Variants in NXNL2 observed in about 807,000 individuals in gnomAD.
NXNL2 encodes nucleoredoxin like 2.
A neutral mutation model predicts 11.1 loss-of-function variants in NXNL2; 7 were observed. The ratio of observed to expected loss-of-function variants is 0.63; its 90% confidence interval spans 0.36 to 1.18. The LOEUF is 1.18. Among genes scored for constraint, NXNL2 ranks in the 50% most tolerant of loss-of-function variants. The probability of loss-of-function intolerance (pLI) is 0.02; values close to 1 mark genes in which losing one functional copy is unlikely to be tolerated. For missense variants in NXNL2, 233 were observed against 217.7 expected (o/e 1.07, Z -0.44); for synonymous variants, 109 against 101.8 (o/e 1.07, Z -0.42).
At chr9:88,581,439 CT>C (rs5899045) in intron 1 of NXNL2, among the ~76,000 whole-genome samples, 140,257 of 147,734 alleles carry the variant, frequency 0.95, 66,601 homozygotes, top group East Asian at 1. Flanking sequence ...ACCACTTTTT[CT>C]TTTTTTTTTT....
At chr9:88,562,169 G>A (rs1368157480) in intron 1 of NXNL2, among the ~76,000 whole-genome samples, 1 of 152,182 alleles carries the variant, frequency 6.6e-6, no homozygotes, top group East Asian at 1.9e-4. Context: ...AGGAAAAGGA[G>A]CCAGGCACAC....
intron 1 of NXNL2, among the ~76,000 whole-genome samples, chr9:88,540,157 CCT>C (rs1480070350): frequency 1.3e-5 from 2 of 151,820 alleles, no homozygotes; most frequent in Non-Finnish European, 2.9e-5. Flanking sequence ...ACGGTGAAAC[CCT>C]GTCTCTACTA....
At chr9:88,549,601 A>G (rs547315645), downstream of NXNL2, among the ~76,000 whole-genome samples, 8 of 152,238 alleles carry the variant, frequency 5.3e-5, no homozygotes, top group East Asian at 9.7e-4. Flanking sequence ...ATCCAACTAC[A>G]CTGTGACTCC....
intron 1 of NXNL2, among the ~76,000 whole-genome samples, chr9:88,552,846 G>C (rs543582914): frequency 1.3e-5 from 2 of 152,294 alleles, no homozygotes; most frequent in Admixed American, 1.3e-4. Context: ...ATATCTGTCT[G>C]ACTTTGCCAT....
exon 2 of NXNL2, chr9:88,584,269 G>A (rs999608515): frequency 2.0e-5 from 3 of 152,210 alleles, no homozygotes; most frequent in African/African-American, 7.2e-5. Context: ...TTTGGAGGAA[G>A]GAAGTAATTA....
intron 1 of NXNL2, among the ~76,000 whole-genome samples, chr9:88,554,287 C>T (rs1299238175): frequency 1.3e-5 from 2 of 152,168 alleles, no homozygotes; most frequent in Non-Finnish European, 2.9e-5. Context: ...CTCACTGCAA[C>T]CTCCACCTCC....
At chr9:88,538,221 G>A (rs902829633) in intron 1 of NXNL2, among the ~76,000 whole-genome samples, 1 of 152,154 alleles carries the variant, frequency 6.6e-6, no homozygotes, top group African/African-American at 2.4e-5. Context: ...GGGATTTGAG[G>A]GCTGGTACTG....
downstream of NXNL2, among the ~76,000 whole-genome samples, chr9:88,549,599 A>G (rs982674928): frequency 5.9e-5 from 9 of 152,136 alleles, no homozygotes; most frequent in African/African-American, 2.2e-4. Context: ...AGATCCAACT[A>G]CACTGTGACT....
chr9:88,546,774 TC>T (rs1294302344), downstream of NXNL2, among the ~76,000 whole-genome samples: 1 of 152,176 alleles, frequency 6.6e-6, no homozygotes, highest in Non-Finnish European at 1.5e-5. Flanking sequence ...GGCAAAGTAT[TC>T]CAGCCTTCTT....
downstream of NXNL2, among the ~76,000 whole-genome samples, chr9:88,546,132 C>T (rs1829841847): frequency 1.4e-5 from 2 of 146,452 alleles, no homozygotes; most frequent in Admixed American, 1.4e-4. Flanking sequence ...TGTAGAGTAT[C>T]CATAAACTGA....
downstream of NXNL2, among the ~76,000 whole-genome samples, chr9:88,549,583 G>T (rs951292566): frequency 2.0e-5 from 3 of 152,052 alleles, no homozygotes; most frequent in Admixed American, 6.6e-5. Flanking sequence ...CTTTGTTATT[G>T]TTGAGAGATC....
chr9:88,539,683 C>T (rs1406603977), intron 1 of NXNL2: 2 of 152,264 alleles, frequency 1.3e-5, no homozygotes, highest in Non-Finnish European at 2.9e-5. Context: ...TCACCTTTTT[C>T]TTTCTTTCTT....
chr9:88,542,399 T>G (rs1006299499), intron 1 of NXNL2, among the ~76,000 whole-genome samples: 9 of 151,858 alleles, frequency 5.9e-5, no homozygotes, highest in African/African-American at 2.2e-4. Context: ...AGCAATTCTC[T>G]GGCCTCAGCC....
downstream of NXNL2, among the ~76,000 whole-genome samples, chr9:88,546,414 C>CTTTTTT (rs956682156): frequency 1.0e-4 from 11 of 110,140 alleles, no homozygotes; most frequent in Admixed American, 2.0e-4. Context: ...AAGACACATT[C>CTTTTTT]TTTTTTTTTT....
chr9:88,555,137 C>T (rs928718158), intron 1 of NXNL2, among the ~76,000 whole-genome samples: 1 of 152,132 alleles, frequency 6.6e-6, no homozygotes, highest in Non-Finnish European at 1.5e-5. Flanking sequence ...TGGCTTTGCA[C>T]AGGAAAGAAT....
intron 1 of NXNL2, among the ~76,000 whole-genome samples, chr9:88,565,901 G>C (rs1830163726): frequency 6.6e-6 from 1 of 152,184 alleles, no homozygotes; most frequent in Non-Finnish European, 1.5e-5. Context: ...ATATCTCATT[G>C]TGGTTTTGAT....
At chr9:88,582,823 A>G (rs1377721307) in intron 1 of NXNL2, among the ~76,000 whole-genome samples, 5 of 152,012 alleles carry the variant, frequency 3.3e-5, no homozygotes, top group Non-Finnish European at 7.4e-5. Context: ...TATGTGCCCC[A>G]CACCCAGCTA....
At chr9:88,556,255 T>C (rs1361571256) in intron 1 of NXNL2, among the ~76,000 whole-genome samples, 2 of 152,058 alleles carry the variant, frequency 1.3e-5, no homozygotes, top group Non-Finnish European at 2.9e-5. Flanking sequence ...TCCTGTCACA[T>C]GGGGAGGCCA....
chr9:88,571,795 G>A (rs555525278), intron 2 of NXNL2, among the ~76,000 whole-genome samples: 5 of 152,288 alleles, frequency 3.3e-5, no homozygotes, highest in African/African-American at 9.6e-5. Context: ...ATCTCACTGG[G>A]CAAGACGGGG....
Sources: allele counts gnomAD v4.1 joint callset (sites outside exome capture counted in the v4.1 genomes callset), GRCh38; gene constraint gnomAD v4.1.1; transcripts MANE v1.5; gene names NCBI Gene and HGNC (gene_info 2026-07-23, HGNC 2026-07-21).